DHPS: variants seen among roughly 807,000 people sequenced by gnomAD.
The protein encoded by DHPS is deoxyhypusine synthase, also known as migration-inducing gene 13.
DHPS carries 24 observed loss-of-function variants against 38.7 expected under a neutral mutation model. That is an observed-to-expected ratio of 0.62 (90% confidence interval 0.45 to 0.87). The LOEUF (loss-of-function observed/expected upper bound fraction) is 0.87, where lower values mean the gene tolerates loss of function less well. Among genes scored for constraint, DHPS ranks in the 40% least tolerant of loss-of-function variants. The pLI is 0.00. For missense variants in DHPS, 510 were observed against 497.6 expected (o/e 1.02, Z -0.24); for synonymous variants, 250 against 204.4 (o/e 1.22, Z -1.90).
At chr19:12,679,158 C>T (rs959150135) in intron 5 of DHPS, among the ~76,000 whole-genome samples, 2 of 152,062 alleles carry the variant, frequency 1.3e-5, no homozygotes, top group Admixed American at 1.3e-4. Context: ...ATTAGCTGGG[C>T]ATGATGGCAT....
intron 5 of DHPS, among the ~76,000 whole-genome samples, chr19:12,678,382 G>C (rs528142923): frequency 3.9e-5 from 6 of 151,920 alleles, no homozygotes; most frequent in Non-Finnish European, 8.8e-5. Flanking sequence ...CAGGAGAATC[G>C]ACTGAGCCCA....
At chr19:12,675,340 G>C (rs1382330026), downstream of DHPS, among the ~76,000 whole-genome samples, 6 of 152,216 alleles carry the variant, frequency 3.9e-5, no homozygotes, top group Non-Finnish European at 8.8e-5. Flanking sequence ...GAGCTACTGA[G>C]GGGCTCAGTC....
At chr19:12,677,433 G>C (rs1405041198) in intron 5 of DHPS, 37 bp from the exon 6 acceptor site, 2 of 1,567,514 alleles carry the variant, frequency 1.3e-6, no homozygotes, top group Non-Finnish European at 1.7e-6. Context: ...CTGGAGCTCA[G>C]AGCCTCGTCT....
At chr19:12,681,210 T>C in intron 1 of DHPS, 1 of 1,228,478 alleles carries the variant, frequency 8.1e-7, no homozygotes, top group African/African-American at 1.6e-5. Context: ...CAAATCTAAA[T>C]TCAAGAACCG....
At chr19:12,677,809 ATTTTG>A (rs1476006208) in intron 5 of DHPS, among the ~76,000 whole-genome samples, 6 of 151,684 alleles carry the variant, frequency 4.0e-5, no homozygotes. Context: ...CTAATTTTGC[ATTTTG>A]TTTTTTTAGT....
intron 7 of DHPS, 35 bp downstream of exon 7, chr19:12,677,073 T>C (rs769024400): frequency 1.3e-6 from 2 of 1,586,160 alleles, no homozygotes; most frequent in East Asian, 2.2e-5. Context: ...ACACAGCATG[T>C]CTGCAGAGTG....
In DHPS at chr19:12,676,722, T is replaced by C. The variant is rs1413108256; in HGVS notation, c.888+386A>G. The C allele has an allele frequency of 1.8e-5, 5 of 283,252 alleles. No individual in the cohort carries two copies. In the Admixed American group the frequency reaches 1.8e-4, roughly 10 times the overall value. The allele number at this position is 283,252 out of a possible 1,614,324, so 17.5% of individuals were successfully genotyped here. On this transcript the variant is annotated intron_variant, in intron 7 of 8. Coordinates refer to ENST00000210060, the MANE Select transcript of DHPS (RefSeq NM_001930.4). ...TTCAGGCGCCCCAGAGCCTTTGCAA[T>C]GGCTGTTCCCTCTCCTGGGAACTTT...
At chr19:12,672,629 G>A, downstream of DHPS, 1 of 578,270 alleles carries the variant, frequency 1.7e-6, no homozygotes, top group Non-Finnish European at 3.1e-6. Context: ...AAGAAAAGGG[G>A]GAATCAGAAG....
rs771576226 is a variant in DHPS at position 12,675,913 on chromosome 19, C to T, written c.1035G>A (p.Leu345=). The T allele has an allele frequency of 1.9e-6, 3 of 1,608,536 alleles. No homozygotes were observed. The highest frequency in any genetic ancestry group is 2.5e-6 in the Non-Finnish European group (3 of 1,177,236). ...QPVKVYADAS[L]VFPLLVAETF... ...TTTCAGCCACAAGCAGGGGGAAGAC[C>T]AGGGAGGCGTCAGCATAGACCTGGG... The change falls in exon 9 of 9, where the codon CTG becomes CTA. Residue 345 remains leucine, a synonymous_variant. Transcript: ENST00000210060.
In DHPS at chr19:12,681,410, G is replaced by A. The variant is rs1043771371; in HGVS notation, c.207+150C>T. ...TCCCCTTCCCAGGACAGAAACTCCC[G>A]CCCAGAATAGGTCCCGCCTTCCTCC... On this transcript the variant is annotated intron_variant, in intron 1 of 8. Transcript: ENST00000210060. 3.7e-6 allele frequency: 4 copies of A among 1,087,398 alleles called. No homozygotes were observed. In the Admixed American group the frequency reaches 7.6e-5, roughly 21 times the overall value. 67.4% of individuals were successfully genotyped at this position (1,087,398 alleles called of 1,614,324 possible). A position where few individuals can be genotyped will look rare whatever the true frequency, so the allele number is the denominator to read the frequency against.
chr19:12,677,638 CTT>C (rs1353817567), intron 5 of DHPS, among the ~76,000 whole-genome samples: 1 of 151,140 alleles, frequency 6.6e-6, no homozygotes, highest in African/African-American at 2.4e-5. Flanking sequence ...GTTTCTCTCT[CTT>C]TTTTTTTATT....
chr19:12,676,933 A>T, intron 7 of DHPS, 175 bp downstream of exon 7: 1 of 629,496 alleles, frequency 1.6e-6, no homozygotes, highest in African/African-American at 1.8e-5. Flanking sequence ...TATTCCCCGT[A>T]GCAATGACTG....
downstream of DHPS, chr19:12,673,390 C>G: frequency 2.2e-6 from 2 of 926,834 alleles, no homozygotes; most frequent in Non-Finnish European, 3.4e-6. Flanking sequence ...TCAGTCACTC[C>G]AGGGCCTGAA....
chr19:12,672,708 C>A, downstream of DHPS: 1 of 856,210 alleles, frequency 1.2e-6, no homozygotes, highest in Non-Finnish European at 1.9e-6. Context: ...TGGCCCTGGG[C>A]CTGAGTCTCA....
chr19:12,677,297 C>A lies in DHPS; in HGVS notation c.778G>T (p.Val260Phe), dbSNP rs753258751. The A allele has an allele frequency of 6.2e-7, 1 of 1,614,204 alleles. No homozygotes were observed. Among genetic ancestry groups the A allele is most frequent in the South Asian group, 1.1e-5 (1 of 91,090 alleles). ...TGTGGCCCTAGCGCCTCACCCTCAA[C>A]GATGTCCAGGACCAGGCCCGGGTTC... ...YKNPGLVLDIVEDLRLINTQA... is the reference protein window; with the variant it reads ...YKNPGLVLDIFEDLRLINTQA... The change falls in exon 6 of 9, where the codon GTT (valine) becomes TTT (phenylalanine). Residue 260 changes from valine to phenylalanine, a missense_variant. Transcript: ENST00000210060.
chr19:12,673,410 CTTTTTTTTTTTT>C (rs58676851), downstream of DHPS: 16 of 248,046 alleles, frequency 6.5e-5, no homozygotes, highest in Admixed American at 3.0e-4. Context: ...AGGCTAGGAT[CTTTTTTTTTTTT>C]TTTTTTTTTT....
At position 12,681,658 on chromosome 19, in the gene DHPS, T is replaced by C. The variant is rs2024819845; in HGVS notation, c.109A>G (p.Asn37Asp). The C allele has an allele frequency of 6.2e-7, 1 of 1,614,124 alleles. No homozygotes were observed. Among genetic ancestry groups the C allele is most frequent in the Admixed American group, 1.7e-5 (1 of 60,012 alleles). The change falls in exon 1 of 9, where the codon AAC becomes GAC. Residue 37 changes from asparagine (N) to aspartate (D), a missense_variant. Asn to Asp is a conservative substitution (Grantham distance 23). Coordinates refer to ENST00000210060, the MANE Select transcript of DHPS (RefSeq NM_001930.4). The stretch of plus-strand genomic sequence containing the variant: ...AGTGCGCGGTAATTCACACCGCGGT[T>C]GAAGTCGTAGCCCCGGACCTGGGTG... ...ESTQVRGYDFNRGVNYRALLE... is the reference protein window; with the variant it reads ...ESTQVRGYDFDRGVNYRALLE...
chr19:12,680,833 CTTTTTTTTT>C (rs775520052), intron 1 of DHPS, among the ~76,000 whole-genome samples: 1 of 119,610 alleles, frequency 8.4e-6, no homozygotes, highest in Non-Finnish European at 1.6e-5. Context: ...CGTGCCCGGC[CTTTTTTTTT>C]TTTTTTTTTT....
rs118003931 is a variant in DHPS at position 12,676,212 on chromosome 19, C to G, written c.889-70G>C. 18 of 1,507,378 alleles carry G rather than the reference C, an allele frequency of 1.2e-5. No homozygotes were observed. In the African/African-American group the frequency reaches 1.8e-4, roughly 15 times the overall value. The allele number at this position is 1,507,378 out of a possible 1,614,324, so 93.4% of individuals were successfully genotyped here. Reference sequence around the variant, plus strand: ...GGAGACAGACACAGAGGGAGGACACCGTAGCCAAACAGGCTGAGAGGTGTG... The same window carrying G: ...GGAGACAGACACAGAGGGAGGACACGGTAGCCAAACAGGCTGAGAGGTGTG... On this transcript the variant is annotated intron_variant, in intron 7 of 8. Coordinates refer to ENST00000210060, the MANE Select transcript of DHPS (RefSeq NM_001930.4).
Sources: gnomAD v4.1 joint callset for allele counts (sites outside exome capture counted in the v4.1 genomes callset) on GRCh38, gnomAD v4.1.1 for gene constraint, MANE v1.5 for transcripts, NCBI Gene and HGNC (gene_info 2026-07-23, HGNC 2026-07-21) for gene names.